PRDM2: variants seen among roughly 807,000 people sequenced by gnomAD.
The protein encoded by PRDM2 is PR/SET domain 2, also known as PR domain zinc finger protein 2.
A neutral mutation model predicts 130.0 loss-of-function variants in PRDM2; 30 were observed. The ratio of observed to expected loss-of-function variants is 0.23; its 90% CI spans 0.17 to 0.31. The LOEUF is 0.31. PRDM2 is among the 10% of genes least tolerant of loss of function. The pLI is 1.00. For synonymous variants in PRDM2, 871 were observed against 782.4 expected (o/e 1.11, Z -1.89); for missense variants, 2,011 against 2,108.4 (o/e 0.95, Z 0.90).
At chr1:13,805,519 C>G (rs72869954) in intron 8 of PRDM2, among the ~76,000 whole-genome samples, 1 of 152,124 alleles carries the variant, frequency 6.6e-6, no homozygotes, top group Non-Finnish European at 1.5e-5. Flanking sequence ...GGCTGAGGGC[C>G]GATGGCTCCC....
Position 13,791,008 on chromosome 1 carries a change from A to G in PRDM2, c.5036+8177A>G, listed in dbSNP as rs989429004. Among the ~76,000 whole-genome samples, 5 of 152,256 alleles carry G rather than the reference A, an allele frequency of 3.3e-5. No individual in the cohort carries two copies. In the East Asian group the frequency reaches 9.6e-4, roughly 29 times the overall value. The stretch of plus-strand genomic sequence containing the variant: ...TGGTGTCATTTACCGATGGAGAAAC[A>G]GATTTGGGGAAAGTGATTTTGTTCC... On this transcript the variant is annotated intron_variant, in intron 8 of 9. Coordinates refer to ENST00000311066, the MANE Select transcript of PRDM2 (RefSeq NM_001393986.1).
intron 8 of PRDM2, among the ~76,000 whole-genome samples, chr1:13,808,266 C>A (rs541384500): frequency 6.6e-6 from 1 of 151,980 alleles, no homozygotes; most frequent in Non-Finnish European, 1.5e-5. Context: ...CCGAGGCGGG[C>A]GGATCACGAG....
chr1:13,756,959 T>C (rs1191398943), intron 6 of PRDM2, among the ~76,000 whole-genome samples: 2 of 152,228 alleles, frequency 1.3e-5, no homozygotes, highest in Non-Finnish European at 2.9e-5. Flanking sequence ...AAAGGCTCTG[T>C]CTGTCTAAAT....
intron 6 of PRDM2, among the ~76,000 whole-genome samples, chr1:13,760,834 C>T (rs1053909759): frequency 3.2e-4 from 48 of 150,758 alleles, no homozygotes; most frequent in Non-Finnish European, 6.4e-4. Context: ...CTGCCGTTCT[C>T]TGGCCGGTTG....
intron 5 of PRDM2, among the ~76,000 whole-genome samples, chr1:13,743,195 T>G (rs374089033): frequency 1.1e-3 from 173 of 152,062 alleles, no homozygotes; most frequent in African/African-American, 2.7e-3. Context: ...GTCAGGAGAT[T>G]GAGACCATCC....
At position 13,742,478 on chromosome 1, in the gene PRDM2, C is replaced by T. The variant is rs117810798; in HGVS notation, c.384+321C>T. ...CAGCCTCCCAAAGTGCTGGGATTAC[C>T]GGCACAAGCCACAATGCCTGGGCCT... On this transcript the variant is annotated intron_variant, in intron 5 of 9. Transcript: ENST00000311066. Among the ~76,000 whole-genome samples the T allele has an allele frequency of 6.9e-3, 1,048 of 152,218 alleles. 63 individuals carry two copies. In the East Asian group the frequency reaches 0.14, roughly 20 times the overall value.
In PRDM2 at chr1:13,778,462, C is replaced by G; in HGVS notation, c.667C>G (p.Gln223Glu). 6.2e-7 allele frequency: 1 copy of G among 1,613,634 alleles called. No homozygotes were observed. Among genetic ancestry groups the G allele is most frequent in the Non-Finnish European group, 8.5e-7 (1 of 1,179,808 alleles). The change falls in exon 8 of 10, where the codon CAG becomes GAG. Residue 223 changes from glutamine (Q) to glutamate (E), a missense_variant. Physicochemically the swap from Gln to Glu is conservative, Grantham distance 29. Coordinates refer to ENST00000311066, the MANE Select transcript of PRDM2 (RefSeq NM_001393986.1). ...GAAGCCTTCAGCCTCAGCACTTGAG[C>G]AGCCGGCCACCCTCCAGGAGGTGGC... is the stretch of plus-strand genomic sequence containing the variant. ...EEKPSASALE[Q>E]PATLQEVASQ...
intron 6 of PRDM2, among the ~76,000 whole-genome samples, chr1:13,756,187 C>T (rs901965812): frequency 8.0e-5 from 12 of 150,118 alleles, no homozygotes; most frequent in African/African-American, 1.7e-4. Flanking sequence ...GGCGTGAACC[C>T]GGGAGGCAGA....
At chr1:13,708,181 CT>C (rs1016678710) in intron 1 of PRDM2, among the ~76,000 whole-genome samples, 179 of 145,960 alleles carry the variant, frequency 1.2e-3, no homozygotes, top group Middle Eastern at 3.6e-3. Flanking sequence ...CCCCTTTAAT[CT>C]TTTTTTTTTT....
intron 4 of PRDM2, chr1:13,738,901 T>G (rs1428211753): frequency 2.6e-5 from 4 of 151,998 alleles, no homozygotes; most frequent in African/African-American, 9.7e-5. Flanking sequence ...TATCTAATTC[T>G]GTAACTGAAA....
chr1:13,796,653 G>A (rs1644927812), intron 8 of PRDM2, among the ~76,000 whole-genome samples: 1 of 152,186 alleles, frequency 6.6e-6, no homozygotes, highest in South Asian at 2.1e-4. Context: ...TCAGGAGGCT[G>A]AGGTGGGAGG....
intron 7 of PRDM2, among the ~76,000 whole-genome samples, chr1:13,774,452 A>G (rs1376395202): frequency 6.6e-6 from 1 of 152,260 alleles, no homozygotes; most frequent in Non-Finnish European, 1.5e-5. Context: ...CATAAAAGAT[A>G]TAATTTTCTG....
intron 9 of PRDM2, among the ~76,000 whole-genome samples, chr1:13,817,842 A>G (rs958303748): frequency 6.6e-6 from 1 of 152,104 alleles, no homozygotes; most frequent in Admixed American, 6.5e-5. Context: ...TACTAAAAAT[A>G]CAAAAAAATT....
intron 2 of PRDM2, among the ~76,000 whole-genome samples, chr1:13,728,376 G>C (rs1642994269): frequency 6.6e-6 from 1 of 152,220 alleles, no homozygotes; most frequent in South Asian, 2.1e-4. Context: ...GAAGAAAAGA[G>C]GGTGGTTCTA....
chr1:13,778,397 C>T (rs1360983501), intron 7 of PRDM2, 21 bp from the exon 8 acceptor site: 2 of 1,560,194 alleles, frequency 1.3e-6, no homozygotes, highest in Non-Finnish European at 1.7e-6. Context: ...TTCCATGCTT[C>T]TGCTTCCATG....
chr1:13,749,227 G>A (rs1036037204), intron 5 of PRDM2, 134 bp from the exon 6 acceptor site: 3 of 857,786 alleles, frequency 3.5e-6, no homozygotes, highest in East Asian at 8.9e-5. Flanking sequence ...CCTTCCTGCC[G>A]GCCGGGTGCG....
At chr1:13,751,270 C>T (rs1643827938) in intron 6 of PRDM2, among the ~76,000 whole-genome samples, 1 of 152,022 alleles carries the variant, frequency 6.6e-6, no homozygotes, top group African/African-American at 2.4e-5. Context: ...TTCTTATTAT[C>T]CTATTATTTT....
Position 13,799,878 on chromosome 1 carries a change from T to A in PRDM2, c.5037-16549T>A, listed in dbSNP as rs76821979. ...GCTTAAAAATTGCAGTCCAACAAGGTGTGGGTGAGAAAATTAAAAATGTGC... is the reference window on the plus strand; with the variant it reads ...GCTTAAAAATTGCAGTCCAACAAGGAGTGGGTGAGAAAATTAAAAATGTGC... On this transcript the variant is annotated intron_variant, in intron 8 of 9. Coordinates refer to ENST00000311066, the MANE Select transcript of PRDM2 (RefSeq NM_001393986.1). 7.5e-3 allele frequency among the ~76,000 whole-genome samples: 1,137 copies of A among 152,194 alleles called. 16 individuals carry two copies. The highest frequency in any genetic ancestry group is 0.026 in the African/African-American group (1,081 of 41,502).
Position 13,731,133 on chromosome 1 carries a change from G to A in PRDM2, c.127+16G>A, listed in dbSNP as rs1314103004. 1.3e-6 allele frequency: 2 copies of A among 1,596,860 alleles called. No homozygotes were observed. The highest frequency in any genetic ancestry group is 1.7e-5 in the Admixed American group (1 of 59,618). ...ACCCGGATTGGTGAGTGCTCCTCCT[G>A]TCACGGAGCAAGTCAGGCAGTAAAG... On this transcript the variant is annotated intron_variant, in intron 3 of 9. Transcript: ENST00000311066.
Sources: allele counts gnomAD v4.1 joint callset (sites outside exome capture counted in the v4.1 genomes callset), GRCh38; gene constraint gnomAD v4.1.1; transcripts MANE v1.5; gene names NCBI Gene and HGNC (gene_info 2026-07-23, HGNC 2026-07-21).